The following BTG4 variants were observed in gnomAD, a reference collection of about 807,000 sequenced individuals.
BTG4 encodes the protein protein BTG4.
In BTG4, 10 loss-of-function variants were observed where a neutral mutation model predicts 19.3. The observed-to-expected ratio is 0.52, with a 90% CI of 0.32 to 0.88. BTG4 has a LOEUF of 0.88. Among genes scored for constraint, BTG4 ranks in the 40% least tolerant of loss-of-function variants. The pLI is 0.04. For synonymous variants in BTG4, 91 were observed against 95.7 expected, an observed-to-expected ratio of 0.95 and a Z score of 0.29; for missense variants, 238 against 281.9, an observed-to-expected ratio of 0.84 and a Z score of 1.11.
chr11:111,401,243 T>G, the BTG4 span, among the ~76,000 whole-genome samples: 2 of 151,926 alleles, frequency 1.3e-5, no homozygotes, highest in Admixed American at 6.6e-5. Context: ...TCCCAGCACT[T>G]TGGGAGGCCA....
chr11:111,513,935 T>C (rs1276497605), upstream of BTG4: 1 of 156,888 alleles, frequency 6.4e-6, no homozygotes, highest in Non-Finnish European at 1.4e-5. Context: ...CTAAATTGAC[T>C]TTATGATGTC....
chr11:111,436,504 T>C, the BTG4 span, among the ~76,000 whole-genome samples: 1 of 151,990 alleles, frequency 6.6e-6, no homozygotes, highest in Non-Finnish European at 1.5e-5. Context: ...TGGGCGCCTG[T>C]AATTCCAGCT....
At chr11:111,456,961 T>G in the BTG4 span, 4 of 164,292 alleles carry the variant, frequency 2.4e-5, no homozygotes, top group Admixed American at 2.4e-4. This position sits in a 1 kb window ranked among gnomAD's most constrained non-coding sequence, Gnocchi z 4.2. Flanking sequence ...ATGAGCTGCA[T>G]GGTAAAAGGA....
chr11:111,502,911 T>C (rs1866193941), intron 1 of BTG4, among the ~76,000 whole-genome samples: 1 of 152,222 alleles, frequency 6.6e-6, no homozygotes, highest in South Asian at 2.1e-4. Context: ...GTAAACATCA[T>C]GCAAGGTTTC....
At chr11:111,452,492 T>A in the BTG4 span, 1 of 152,394 alleles carries the variant, frequency 6.6e-6, no homozygotes, top group South Asian at 2.1e-4. Context: ...TCATCCAGAC[T>A]GGCATCGCCA....
the BTG4 span, among the ~76,000 whole-genome samples, chr11:111,407,819 G>T: frequency 6.6e-6 from 1 of 152,252 alleles, no homozygotes; most frequent in Non-Finnish European, 1.5e-5. Context: ...TAAGTAACTT[G>T]CAGGGCAGTT....
At chr11:111,474,773 G>A (rs1330856399) in intron 5 of BTG4, among the ~76,000 whole-genome samples, 1 of 152,124 alleles carries the variant, frequency 6.6e-6, no homozygotes, top group African/African-American at 2.4e-5. Context: ...AACAGTGAAG[G>A]TTCTGGTTGC....
At chr11:111,454,929 A>G in the BTG4 span, 1,017 of 452,942 alleles carry the variant, frequency 2.2e-3, 8 homozygotes, top group African/African-American at 0.019. Flanking sequence ...CCGGGAACAG[A>G]GTTCACACAC....
At chr11:111,511,958 T>A (rs1452275820) in intron 1 of BTG4, among the ~76,000 whole-genome samples, 1 of 152,180 alleles carries the variant, frequency 6.6e-6, no homozygotes, top group Admixed American at 6.5e-5. Flanking sequence ...ATGGCCTTGA[T>A]CTCAAGAGGA....
At chr11:111,434,242 C>T in the BTG4 span, among the ~76,000 whole-genome samples, 16 of 152,294 alleles carry the variant, frequency 1.1e-4, no homozygotes, top group African/African-American at 3.9e-4. Flanking sequence ...TGAACTCATG[C>T]CCTTTGCAGG....
chr11:111,399,264 A>G, the BTG4 span: 16 of 152,342 alleles, frequency 1.1e-4, no homozygotes, highest in Admixed American at 9.2e-4. Flanking sequence ...GGCAATGTGA[A>G]AAATCCAGCC....
chr11:111,509,273 G>T lies in BTG4; in HGVS notation c.-27+2908C>A, dbSNP rs113199345. 6.8e-3 allele frequency among the ~76,000 whole-genome samples: 1,042 copies of T among 152,214 alleles called. 9 individuals are homozygous for T. The highest frequency in any genetic ancestry group is 0.023 in the African/African-American group (971 of 41,524). On this transcript the variant is annotated intron_variant, in intron 1 of 4. Coordinates refer to ENST00000692032, the MANE Select transcript of BTG4 (RefSeq NM_001367975.1). The stretch of plus-strand genomic sequence containing the variant: ...AAGGCACTGAATTGACTTCAATTTA[G>T]TCTTGCTTCAACATATAAACTAGTT...
the BTG4 span, among the ~76,000 whole-genome samples, chr11:111,391,265 C>T: frequency 2.0e-5 from 3 of 152,100 alleles, no homozygotes; most frequent in Non-Finnish European, 2.9e-5. Context: ...CCAGTTGCTG[C>T]GACAAACTCC....
At chr11:111,446,474 A>G in the BTG4 span, among the ~76,000 whole-genome samples, 1 of 152,194 alleles carries the variant, frequency 6.6e-6, no homozygotes, top group African/African-American at 2.4e-5. Flanking sequence ...GCCCCACCCC[A>G]GATCACCCAT....
intron 5 of BTG4, among the ~76,000 whole-genome samples, chr11:111,476,625 C>T (rs1344326033): frequency 2.6e-5 from 4 of 152,016 alleles, no homozygotes; most frequent in Admixed American, 2.6e-4. Context: ...CAGGTAAGTA[C>T]CAAATTAGAC....
chr11:111,401,489 A>AAAAAAGAAAAGAAAAG, the BTG4 span, among the ~76,000 whole-genome samples: 372 of 152,008 alleles, frequency 2.4e-3, 2 homozygotes, highest in African/African-American at 8.7e-3. Context: ...CTCAAAAAAA[A>AAAAAAGAAAAGAAAAG]AAAAGAAAAG....
At chr11:111,451,713 G>A in the BTG4 span, among the ~76,000 whole-genome samples, 11,137 of 152,122 alleles carry the variant, frequency 0.073, 1,377 homozygotes, top group African/African-American at 0.25. Flanking sequence ...GCAGTGAGCC[G>A]AGATCGTGCC....
the BTG4 span, among the ~76,000 whole-genome samples, chr11:111,426,597 T>G: frequency 3.4e-5 from 5 of 146,174 alleles, no homozygotes; most frequent in Non-Finnish European, 6.1e-5. Context: ...TCTCCCTCCA[T>G]GCTCCAGAGA....
the BTG4 span, among the ~76,000 whole-genome samples, chr11:111,408,777 T>G: frequency 2.2e-4 from 33 of 152,196 alleles, no homozygotes; most frequent in Non-Finnish European, 4.0e-4. Flanking sequence ...TACAAAGACA[T>G]TTGTCAAGAA....
Sources: gnomAD v4.1 joint callset for allele counts (sites outside exome capture counted in the v4.1 genomes callset) on GRCh38, gnomAD v4.1.1 for gene constraint, Gnocchi (gnomAD v3.1) non-coding constraint, MANE v1.5 for transcripts, NCBI Gene and HGNC (gene_info 2026-07-23, HGNC 2026-07-21) for gene names.